Variants in ADGRF1 observed in about 807,000 individuals in gnomAD.
The protein encoded by ADGRF1 is adhesion G protein-coupled receptor F1, also known as G protein-coupled receptor 110.
In ADGRF1, 85 loss-of-function variants were observed where a neutral mutation model predicts 87.2. That is an observed-to-expected ratio of 0.97 (90% CI 0.82 to 1.17). The LOEUF is 1.17. Among genes scored for constraint, ADGRF1 ranks in the 50% most tolerant of loss-of-function variants. ADGRF1 has a pLI of 0.00. For synonymous variants in ADGRF1, 430 were observed against 408.8 expected (o/e 1.05, Z -0.63); for missense variants, 1,169 against 1,077.2 (o/e 1.09, Z -1.19).
At chr6:47,035,610 T>C (rs149306105) in intron 1 of ADGRF1, among the ~76,000 whole-genome samples, 8 of 152,308 alleles carry the variant, frequency 5.3e-5, no homozygotes, top group African/African-American at 1.7e-4. Flanking sequence ...ACAACGAATT[T>C]TTTAACTATT....
chr6:47,027,637 C>G, intron 3 of ADGRF1, 67 bp downstream of exon 3: 1 of 1,027,704 alleles, frequency 9.7e-7, no homozygotes. Flanking sequence ...AGGGGCACCG[C>G]TGGGATTAGA....
At chr6:47,023,653 C>A (rs1361752824) in intron 5 of ADGRF1, among the ~76,000 whole-genome samples, 1 of 152,224 alleles carries the variant, frequency 6.6e-6, no homozygotes, top group African/African-American at 2.4e-5. Context: ...TTCCTCCCTG[C>A]ATTCATATCT....
At chr6:47,019,930 G>A in intron 7 of ADGRF1, 2 of 985,490 alleles carry the variant, frequency 2.0e-6, no homozygotes, top group South Asian at 4.7e-5. Context: ...AATGACTACT[G>A]GGTTTTGAAC....
rs150650226 is a variant in ADGRF1, at chr6:47,036,242, A to G, written c.-44+5949T>C. On this transcript the variant is annotated intron_variant, in intron 1 of 14. Transcript: ENST00000371253. ...GAGACCCTGTCTCAAAAACAGAACA[A>G]AACAAAACAAAACAAACAAACAAAA... is the stretch of plus-strand genomic sequence containing the variant. Among the ~76,000 whole-genome samples, 273 of 152,142 alleles carry G rather than the reference A, an allele frequency of 1.8e-3. 2 individuals are homozygous for G. The highest frequency in any genetic ancestry group is 6.0e-3 in the South Asian group (29 of 4,816).
Position 46,999,772 on chromosome 6 carries a change from T to C in ADGRF1, c.*450A>G, listed in dbSNP as rs1779309223. On this transcript the variant is annotated 3_prime_UTR_variant, in exon 15 of 15. Transcript: ENST00000371253. ...GAGAAATGGTTTTTTCTCTAGGAAATTTGCACTAATAACTTTTTCCCACCA... is the reference window on the plus strand; with the variant it reads ...GAGAAATGGTTTTTTCTCTAGGAAACTTGCACTAATAACTTTTTCCCACCA... The C allele has an allele frequency of 6.6e-6, 1 of 152,376 alleles. No individual in the cohort carries two copies. The highest frequency in any genetic ancestry group is 1.5e-5 in the Non-Finnish European group (1 of 68,232). The allele number at this position is 152,376 out of a possible 1,614,324, so 9.4% of individuals were successfully genotyped here.
intron 9 of ADGRF1, chr6:47,014,356 G>C: frequency 9.6e-7 from 1 of 1,038,950 alleles, no homozygotes; most frequent in Non-Finnish European, 1.2e-6. Context: ...TAATTCCCAG[G>C]TCTTCTGGAC....
chr6:47,040,594 A>C (rs1780711987), intron 1 of ADGRF1, among the ~76,000 whole-genome samples: 1 of 152,144 alleles, frequency 6.6e-6, no homozygotes, highest in Non-Finnish European at 1.5e-5. Flanking sequence ...CAAAATTGTG[A>C]ATTCAGTGAC....
intron 2 of ADGRF1, 113 bp from the exon 3 acceptor site, chr6:47,027,874 G>A (rs1780288258): frequency 2.7e-6 from 2 of 748,058 alleles, no homozygotes. Flanking sequence ...CCAAGCCAGG[G>A]ATGGTGGAGA....
At chr6:47,015,574 CTATTTATT>C (rs374537407) in intron 8 of ADGRF1, among the ~76,000 whole-genome samples, 178 of 149,280 alleles carry the variant, frequency 1.2e-3, no homozygotes, top group Middle Eastern at 3.4e-3. Context: ...CGATGCCTGG[CTATTTATT>C]TATTTATTTA....
In ADGRF1 at chr6:47,009,337, C is replaced by T; in HGVS notation, c.2098G>A (p.Ala700Thr). The T allele has an allele frequency of 6.2e-7, 1 of 1,614,140 alleles. No individual in the cohort carries two copies. Among genetic ancestry groups the T allele is most frequent in the Non-Finnish European group, 8.5e-7 (1 of 1,180,024 alleles). Residue 700 changes from alanine to threonine, a missense_variant, in exon 11 of 15, where the codon GCT becomes ACT. Coordinates refer to ENST00000371253, the MANE Select transcript of ADGRF1 (RefSeq NM_153840.4). ...FHHMAQHLMM[A>T]VGFCLGYGCP... is the part of the protein sequence containing the mutation. ...CCATAACCCAGGCAAAATCCAACAG[C>T]CATCATCAAATGCTGGGCCATGTGA... is the stretch of plus-strand genomic sequence containing the variant.
chr6:47,040,569 A>C (rs1241540015), intron 1 of ADGRF1, among the ~76,000 whole-genome samples: 1 of 152,198 alleles, frequency 6.6e-6, no homozygotes, highest in Non-Finnish European at 1.5e-5. Context: ...ACAGTTTCCT[A>C]AGGGTGTCCT....
At chr6:47,018,578 C>T in intron 7 of ADGRF1, 1 of 1,289,440 alleles carries the variant, frequency 7.8e-7, no homozygotes, top group Non-Finnish European at 1.0e-6. Flanking sequence ...AGGTGTATAA[C>T]TGTCCTGTTT....
At position 47,009,155 on chromosome 6, in the gene ADGRF1, A is replaced by G. The variant is rs942255202; in HGVS notation, c.2280T>C (p.Val760=). The G allele has an allele frequency of 2.5e-6, 4 of 1,614,162 alleles. No homozygotes were observed. The Admixed American group carries it at 6.7e-5, about 27-fold the overall frequency. The change falls in exon 11 of 15, where the codon GTT becomes GTC. Residue 760 remains valine, a synonymous_variant. Coordinates refer to ENST00000371253, the MANE Select transcript of ADGRF1 (RefSeq NM_153840.4). ...GCTTTGTGAGAACTAGCAGCACCAC[A>G]ACGAAGTTCACAGCCACAATAGCCA... ...PALAIVAVNF[V]VVLLVLTKLW...
chr6:47,033,273 G>C (rs535589978), intron 1 of ADGRF1, among the ~76,000 whole-genome samples: 1 of 152,312 alleles, frequency 6.6e-6, no homozygotes, highest in Non-Finnish European at 1.5e-5. Context: ...TTCATTCCCT[G>C]TCCTTCAGTT....
chr6:47,020,665 C>T (rs1460886452), intron 7 of ADGRF1, 66 bp downstream of exon 7: 4 of 1,594,180 alleles, frequency 2.5e-6, no homozygotes, highest in Non-Finnish European at 3.4e-6. Context: ...AAAAACAGCA[C>T]TCTGCCTTTT....
At chr6:47,031,996 C>T (rs1266014205) in intron 1 of ADGRF1, among the ~76,000 whole-genome samples, 1 of 152,120 alleles carries the variant, frequency 6.6e-6, no homozygotes, top group Admixed American at 6.6e-5. Context: ...CATCAGCCAC[C>T]ATGCCAGGGC....
intron 9 of ADGRF1, chr6:47,014,384 T>C: frequency 9.3e-7 from 1 of 1,070,918 alleles, no homozygotes; most frequent in Non-Finnish European, 1.1e-6. Flanking sequence ...GCCAGCTTAG[T>C]TGCTGCTCTA....
intron 8 of ADGRF1, among the ~76,000 whole-genome samples, chr6:47,015,874 A>G (rs1212884720): frequency 1.3e-5 from 2 of 151,848 alleles, no homozygotes; most frequent in Non-Finnish European, 2.9e-5. Context: ...TTGGGATTAC[A>G]GGCTTTAGCC....
intron 1 of ADGRF1, among the ~76,000 whole-genome samples, chr6:47,031,316 GTC>G (rs1162690766): frequency 5.3e-5 from 5 of 94,200 alleles, no homozygotes; most frequent in African/African-American, 1.2e-4. Context: ...CTGTCTCTCT[GTC>G]TCTCTCTCTC....
Sources: gnomAD v4.1 joint callset for allele counts (sites outside exome capture counted in the v4.1 genomes callset) on GRCh38, gnomAD v4.1.1 for gene constraint, MANE v1.5 for transcripts, NCBI Gene and HGNC (gene_info 2026-07-23, HGNC 2026-07-21) for gene names.